KCNMB2: variants seen among roughly 807,000 people sequenced by gnomAD.
KCNMB2 encodes calcium-activated potassium channel subunit beta-2.
Under a neutral mutation model 24.5 loss-of-function variants are expected in KCNMB2, and 9 were observed. The ratio of observed to expected loss-of-function variants is 0.37; its 90% CI spans 0.22 to 0.64. The LOEUF is 0.64. Ranked by LOEUF, KCNMB2 falls within the 30% of genes least tolerant of loss-of-function variation. The pLI is 0.63. For synonymous variants in KCNMB2, 109 were observed against 104.4 expected, an observed-to-expected ratio of 1.04 and a Z score of -0.27; for missense variants, 226 against 284.3, an observed-to-expected ratio of 0.79 and a Z score of 1.47.
At position 178,655,095 on chromosome 3, in the gene KCNMB2, C is replaced by CCTCTCTCTCTCTCT. The variant is rs67468527; in HGVS notation, c.-68+118419_-68+118432dup. On this transcript the variant is annotated intron_variant, in intron 1 of 4. Transcript: ENST00000452583. ...TAAAGTTCAGTAAATATTAGCTCTC[C>CCTCTCTCTCTCTCT]CTCTCTCTCTCTCTCTCTCTCTCTC... Among the ~76,000 whole-genome samples the CCTCTCTCTCTCTCT allele has an allele frequency of 2.3e-3, 251 of 111,120 alleles. 13 individuals carry two copies. The highest frequency in any genetic ancestry group is 3.1e-3 in the Non-Finnish European group (173 of 55,610). The allele number at this position is 111,120 out of a possible 152,430, so 72.9% of individuals were successfully genotyped here. A position where few individuals can be genotyped will look rare whatever the true frequency, so the allele number is the denominator to read the frequency against.
At chr3:178,572,302 A>G (rs928312864) in intron 1 of KCNMB2, among the ~76,000 whole-genome samples, 1 of 152,192 alleles carries the variant, frequency 6.6e-6, no homozygotes, top group African/African-American at 2.4e-5. Context: ...CCATACATAG[A>G]ATGCATGACT....
intron 1 of KCNMB2, among the ~76,000 whole-genome samples, chr3:178,570,286 C>T (rs2108475806): frequency 6.6e-6 from 1 of 152,202 alleles, no homozygotes; most frequent in South Asian, 2.1e-4. Flanking sequence ...TCAAGGAGGA[C>T]TATGTTTTAT....
chr3:178,834,498 T>C (rs760044086), intron 4 of KCNMB2, among the ~76,000 whole-genome samples: 23 of 152,268 alleles, frequency 1.5e-4, no homozygotes, highest in Admixed American at 5.9e-4. Context: ...TTCCATCCTA[T>C]TCCAAGAGGC....
At chr3:178,699,118 T>C (rs1254367982) in intron 1 of KCNMB2, among the ~76,000 whole-genome samples, 1 of 152,242 alleles carries the variant, frequency 6.6e-6, no homozygotes, top group Admixed American at 6.5e-5. Context: ...CTGGAGCCTA[T>C]GTGTGCTGTT....
intron 1 of KCNMB2, among the ~76,000 whole-genome samples, chr3:178,642,277 A>C (rs556253258): frequency 2.0e-5 from 3 of 152,226 alleles, no homozygotes; most frequent in Non-Finnish European, 4.4e-5. Context: ...TTTTCTAAAA[A>C]GTGTTTATTT....
intron 1 of KCNMB2, among the ~76,000 whole-genome samples, chr3:178,664,171 G>T (rs531588350): frequency 6.6e-6 from 1 of 152,246 alleles, no homozygotes; most frequent in African/African-American, 2.4e-5. Flanking sequence ...ACTGGGACCT[G>T]CAGGAACTCA....
chr3:178,677,779 A>C (rs1721118964), intron 1 of KCNMB2, among the ~76,000 whole-genome samples: 1 of 152,184 alleles, frequency 6.6e-6, no homozygotes, highest in Admixed American at 6.5e-5. Context: ...CAAGCCCTTC[A>C]AGGGGGAGAA....
intron 2 of KCNMB2, among the ~76,000 whole-genome samples, 174 bp downstream of exon 2, chr3:178,807,639 T>C (rs186111936): frequency 1.3e-5 from 2 of 152,304 alleles, no homozygotes; most frequent in African/African-American, 2.4e-5. Context: ...CCTTGCACTT[T>C]ACATGTTCGC....
At chr3:178,662,452 G>C (rs761708900) in intron 1 of KCNMB2, among the ~76,000 whole-genome samples, 4 of 152,232 alleles carry the variant, frequency 2.6e-5, no homozygotes, top group Non-Finnish European at 4.4e-5. Context: ...AGATCATTTT[G>C]GGTTATAAAA....
At chr3:178,674,358 T>G (rs550913698) in intron 1 of KCNMB2, among the ~76,000 whole-genome samples, 6 of 152,188 alleles carry the variant, frequency 3.9e-5, no homozygotes, top group South Asian at 2.1e-4. Flanking sequence ...TAGCTTAGCA[T>G]GTTAAGTTAA....
At chr3:178,539,127 C>T (rs1715504480) in intron 1 of KCNMB2, among the ~76,000 whole-genome samples, 1 of 152,264 alleles carries the variant, frequency 6.6e-6, no homozygotes, top group Middle Eastern at 3.4e-3. Context: ...TATACACAGA[C>T]AGTCATCATC....
chr3:178,603,686 T>C (rs1262032752), intron 1 of KCNMB2, among the ~76,000 whole-genome samples: 1 of 152,034 alleles, frequency 6.6e-6, no homozygotes, highest in African/African-American at 2.4e-5. Context: ...AGGGAGAGCA[T>C]GTTAGTTGAA....
chr3:178,674,306 T>C (rs1052274676), intron 1 of KCNMB2, among the ~76,000 whole-genome samples: 30 of 152,318 alleles, frequency 2.0e-4, no homozygotes, highest in African/African-American at 6.5e-4. Flanking sequence ...TCTAGCTTTC[T>C]ACTCAGCATC....
intron 2 of KCNMB2, among the ~76,000 whole-genome samples, chr3:178,813,147 T>A (rs1714262079): frequency 6.6e-6 from 1 of 152,186 alleles, no homozygotes. Context: ...CCTAATAAAG[T>A]TTTGCATTTA....
At chr3:178,536,758 T>A (rs1715424011) in intron 1 of KCNMB2, 47 bp downstream of exon 1, 1 of 152,414 alleles carries the variant, frequency 6.6e-6, no homozygotes, top group Admixed American at 6.5e-5. Context: ...GTTTCATGCT[T>A]TTTGTTTGTT....
intron 1 of KCNMB2, among the ~76,000 whole-genome samples, chr3:178,753,769 C>T (rs1169268675): frequency 6.6e-6 from 1 of 152,018 alleles, no homozygotes; most frequent in Non-Finnish European, 1.5e-5. Flanking sequence ...ATATTCATTA[C>T]CTCACATATT....
chr3:178,619,424 G>C (rs1718830775), intron 1 of KCNMB2, among the ~76,000 whole-genome samples: 1 of 152,110 alleles, frequency 6.6e-6, no homozygotes, highest in Admixed American at 6.5e-5. Flanking sequence ...TTGAGTAAAA[G>C]ATGGCTGCAA....
intron 1 of KCNMB2, chr3:178,801,908 T>C (rs957263716): frequency 6.6e-6 from 1 of 152,194 alleles, no homozygotes; most frequent in African/African-American, 2.4e-5. Context: ...CTGAATGTTT[T>C]GGTCCCCACA....
chr3:178,734,771 T>A (rs558303791), intron 1 of KCNMB2, among the ~76,000 whole-genome samples: 1 of 152,306 alleles, frequency 6.6e-6, no homozygotes, highest in South Asian at 2.1e-4. Flanking sequence ...CCGAGTTAAC[T>A]GGTGTCTTCA....
Sources: gnomAD v4.1 joint callset for allele counts (sites outside exome capture counted in the v4.1 genomes callset) on GRCh38, gnomAD v4.1.1 for gene constraint, MANE v1.5 for transcripts, NCBI Gene and HGNC (gene_info 2026-07-23, HGNC 2026-07-21) for gene names.